CELF4: variants seen among roughly 807,000 people sequenced by gnomAD.
CELF4 encodes the protein CUGBP Elav-like family member 4.
A neutral mutation model predicts 59.9 loss-of-function variants in CELF4; 18 were observed. That is an observed-to-expected ratio of 0.30 (90% CI 0.21 to 0.45). The LOEUF is 0.45. Ranked by LOEUF, CELF4 falls within the 20% of genes least tolerant of loss-of-function variation. The pLI, the probability that CELF4 is intolerant of heterozygous loss-of-function variation, is 1.00. For synonymous variants in CELF4, 261 were observed against 267.1 expected (o/e 0.98, Z 0.22); for missense variants, 456 against 689.0 (o/e 0.66, Z 3.79).
chr18:37,514,837 T>C (rs2099948832), intron 1 of CELF4, among the ~76,000 whole-genome samples: 1 of 152,176 alleles, frequency 6.6e-6, no homozygotes. Flanking sequence ...CTGTGGGCTT[T>C]TCAGTTCAAC....
chr18:37,425,020 G>C (rs2099603124), intron 2 of CELF4, among the ~76,000 whole-genome samples: 1 of 152,180 alleles, frequency 6.6e-6, no homozygotes, highest in African/African-American at 2.4e-5. Context: ...CAGGTTCTTA[G>C]CTCTCTGCCC....
intron 2 of CELF4, among the ~76,000 whole-genome samples, chr18:37,328,812 A>G (rs984842025): frequency 2.0e-5 from 3 of 152,116 alleles, no homozygotes; most frequent in African/African-American, 7.2e-5. Flanking sequence ...GAATCAGCAG[A>G]CCCGCACGCT....
At chr18:37,533,878 C>T (rs778088455) in intron 1 of CELF4, among the ~76,000 whole-genome samples, 2 of 152,174 alleles carry the variant, frequency 1.3e-5, no homozygotes, top group Non-Finnish European at 2.9e-5. Flanking sequence ...GTCATCTCCA[C>T]GTCAGGGGAA....
intron 2 of CELF4, among the ~76,000 whole-genome samples, chr18:37,470,840 G>C (rs1002456468): frequency 1.4e-4 from 5 of 34,572 alleles, no homozygotes; most frequent in Non-Finnish European, 3.0e-4. Flanking sequence ...ATGACTCTGT[G>C]TGTGTGTGTG....
At chr18:37,409,001 G>A (rs1036642611) in intron 2 of CELF4, among the ~76,000 whole-genome samples, 3 of 152,188 alleles carry the variant, frequency 2.0e-5, no homozygotes, top group East Asian at 1.9e-4. Context: ...TGCTTAGAAC[G>A]TATGGGTTGA....
chr18:37,426,581 T>G (rs917240633), intron 2 of CELF4, among the ~76,000 whole-genome samples: 4 of 152,122 alleles, frequency 2.6e-5, no homozygotes, highest in African/African-American at 9.7e-5. Context: ...TGATTGCATT[T>G]CCTAAGTGGG....
At chr18:37,548,833 G>A (rs766315155) in intron 1 of CELF4, among the ~76,000 whole-genome samples, 11 of 152,180 alleles carry the variant, frequency 7.2e-5, no homozygotes, top group Non-Finnish European at 1.5e-4. Flanking sequence ...TGGCTCCTAC[G>A]TGGAGTACAT....
At position 37,357,573 on chromosome 18, in the gene CELF4, G is replaced by C. The variant is rs1336054965; in HGVS notation, c.370-35692C>G. The stretch of plus-strand genomic sequence containing the variant: ...AGCCTCCACAGAGAATCCCTACTGG[G>C]GCACTGCCTAGTGAAGCTGTGAGAA... On this transcript the variant is annotated intron_variant, in intron 2 of 12. Transcript: ENST00000420428. 3.3e-5 allele frequency among the ~76,000 whole-genome samples: 5 copies of C among 152,202 alleles called. No homozygotes were observed. The South Asian group carries it at 1.0e-3, about 32-fold the overall frequency.
At chr18:37,317,318 C>T (rs1235901489) in intron 3 of CELF4, among the ~76,000 whole-genome samples, 2 of 152,190 alleles carry the variant, frequency 1.3e-5, no homozygotes, top group African/African-American at 2.4e-5. Flanking sequence ...ACCCGGGAGG[C>T]GGAGGTTGCA....
intron 2 of CELF4, among the ~76,000 whole-genome samples, chr18:37,325,164 G>A (rs537781049): frequency 3.0e-4 from 42 of 141,216 alleles, no homozygotes; most frequent in African/African-American, 1.1e-3. Context: ...GTCCCAACGG[G>A]GGAGTGAGGC....
At chr18:37,382,468 G>A (rs898095156) in intron 2 of CELF4, among the ~76,000 whole-genome samples, 1 of 152,156 alleles carries the variant, frequency 6.6e-6, no homozygotes, top group South Asian at 2.1e-4. Flanking sequence ...CAGACCAGGG[G>A]CTCCTCCCTC....
chr18:37,400,357 T>G (rs2099311398), intron 2 of CELF4, among the ~76,000 whole-genome samples: 1 of 152,236 alleles, frequency 6.6e-6, no homozygotes, highest in Non-Finnish European at 1.5e-5. Flanking sequence ...TATGTATGCA[T>G]GTACACACAC....
rs2099987104 is a variant in CELF4 at position 37,563,194 on chromosome 18, T to C, written c.286+2162A>G. On this transcript the variant is annotated intron_variant, in intron 1 of 12. Coordinates refer to ENST00000420428, the MANE Select transcript of CELF4 (RefSeq NM_020180.4). The stretch of plus-strand genomic sequence containing the variant: ...TGCTATTATATGAGAGAGTCCAAAT[T>C]ACATCAGCAACAAAGTGATGATATC... 2.6e-5 allele frequency among the ~76,000 whole-genome samples: 4 copies of C among 151,960 alleles called. No homozygotes were observed. The South Asian group carries it at 8.3e-4, about 32-fold the overall frequency.
chr18:37,267,926 A>G (rs1185496627), intron 8 of CELF4, among the ~76,000 whole-genome samples: 1 of 152,146 alleles, frequency 6.6e-6, no homozygotes, highest in Non-Finnish European at 1.5e-5. Flanking sequence ...AATCCCAGCT[A>G]CTCAGGAGGC....
At chr18:37,560,083 G>C (rs2099986087) in intron 1 of CELF4, among the ~76,000 whole-genome samples, 1 of 152,202 alleles carries the variant, frequency 6.6e-6, no homozygotes. Flanking sequence ...AGTATACCAA[G>C]GGGGTTATTT....
chr18:37,512,238 G>A (rs1249638440), intron 1 of CELF4, among the ~76,000 whole-genome samples: 1 of 152,116 alleles, frequency 6.6e-6, no homozygotes, highest in African/African-American at 2.4e-5. Flanking sequence ...TTGGTCTCTT[G>A]GCTGCAGTTC....
At chr18:37,251,436 C>T (rs898502587) in intron 12 of CELF4, among the ~76,000 whole-genome samples, 1 of 152,166 alleles carries the variant, frequency 6.6e-6, no homozygotes, top group African/African-American at 2.4e-5. Flanking sequence ...TCTGGGAATT[C>T]TTCTAACCTA....
chr18:37,483,879 T>C (rs908251351), intron 2 of CELF4, among the ~76,000 whole-genome samples: 22 of 152,356 alleles, frequency 1.4e-4, no homozygotes, highest in African/African-American at 5.3e-4. Context: ...TTTCTATAAA[T>C]TATTAAAGAA....
intron 1 of CELF4, among the ~76,000 whole-genome samples, chr18:37,533,928 G>A (rs569856734): frequency 3.9e-5 from 6 of 152,264 alleles, no homozygotes; most frequent in South Asian, 2.1e-4. Context: ...TTGGTTCGGC[G>A]GATTATTGGA....
Sources: allele counts gnomAD v4.1 joint callset (sites outside exome capture counted in the v4.1 genomes callset), GRCh38; gene constraint gnomAD v4.1.1; transcripts MANE v1.5; gene names NCBI Gene and HGNC (gene_info 2026-07-23, HGNC 2026-07-21).